VAV3: variants seen among roughly 807,000 people sequenced by gnomAD.
VAV3 encodes the protein vav guanine nucleotide exchange factor 3, also known as guanine nucleotide exchange factor VAV3.
VAV3 carries 94 observed loss-of-function variants against 131.2 expected under a neutral mutation model. That is an observed-to-expected ratio of 0.72 (90% CI 0.61 to 0.85). VAV3 has a LOEUF of 0.85. Among genes scored for constraint, VAV3 ranks in the 40% least tolerant of loss-of-function variants. The pLI, the probability that VAV3 is intolerant of heterozygous loss-of-function variation, is 0.00. For missense variants in VAV3, 939 were observed against 1,002.7 expected, an observed-to-expected ratio of 0.94 and a Z score of 0.86; for synonymous variants, 349 against 342.0, an observed-to-expected ratio of 1.02 and a Z score of -0.22.
At chr1:107,737,634 G>A (rs1186812295) in intron 15 of VAV3, among the ~76,000 whole-genome samples, 1 of 152,186 alleles carries the variant, frequency 6.6e-6, no homozygotes, top group African/African-American at 2.4e-5. Flanking sequence ...TCAGAGAAAT[G>A]CAAATCAAAA....
At chr1:107,718,527 A>G (rs1327685338) in intron 15 of VAV3, among the ~76,000 whole-genome samples, 2 of 152,220 alleles carry the variant, frequency 1.3e-5, no homozygotes, top group African/African-American at 4.8e-5. Flanking sequence ...TTCAAGGAGA[A>G]CTACAAACCA....
intron 15 of VAV3, among the ~76,000 whole-genome samples, chr1:107,745,890 G>C (rs1428904867): frequency 6.6e-6 from 1 of 152,042 alleles, no homozygotes; most frequent in Admixed American, 6.6e-5. Flanking sequence ...TAAAGCAATA[G>C]TCCAGAGCAC....
chr1:107,773,529 T>C (rs1665168095), intron 4 of VAV3, among the ~76,000 whole-genome samples: 1 of 152,206 alleles, frequency 6.6e-6, no homozygotes, highest in African/African-American at 2.4e-5. Flanking sequence ...TTCCTTTATC[T>C]GTTTTATATT....
At chr1:107,913,107 A>C (rs1672447610) in intron 1 of VAV3, among the ~76,000 whole-genome samples, 1 of 152,214 alleles carries the variant, frequency 6.6e-6, no homozygotes, top group Non-Finnish European at 1.5e-5. Context: ...CACAAATATA[A>C]GACTGTCTTT....
At chr1:107,805,140 C>T (rs74225262) in intron 2 of VAV3, among the ~76,000 whole-genome samples, 22,969 of 152,006 alleles carry the variant, frequency 0.15, 2,015 homozygotes, top group East Asian at 0.29. Flanking sequence ...CTTGGTAAAG[C>T]CTTATTGGGG....
intron 19 of VAV3, among the ~76,000 whole-genome samples, chr1:107,673,379 C>G (rs1477814159): frequency 6.6e-6 from 1 of 152,132 alleles, no homozygotes; most frequent in African/African-American, 2.4e-5. Flanking sequence ...CTGCTCCAAC[C>G]CTAACCATCC....
intron 1 of VAV3, among the ~76,000 whole-genome samples, chr1:107,890,818 A>G (rs1671275598): frequency 6.6e-6 from 1 of 152,228 alleles, no homozygotes; most frequent in Non-Finnish European, 1.5e-5. Flanking sequence ...AATGGAAGAC[A>G]CTTTCAGATC....
intron 1 of VAV3, among the ~76,000 whole-genome samples, chr1:107,880,239 C>G (rs573672369): frequency 1.3e-5 from 2 of 152,278 alleles, no homozygotes; most frequent in South Asian, 4.1e-4. Flanking sequence ...GAGTGGGAGT[C>G]ACCTACATAA....
chr1:107,778,924 A>T (rs986772658), intron 3 of VAV3, among the ~76,000 whole-genome samples: 7 of 152,210 alleles, frequency 4.6e-5, no homozygotes, highest in Non-Finnish European at 1.0e-4. Flanking sequence ...TATTGCAAGG[A>T]GATGACATAC....
chr1:107,692,793 T>C (rs895747280), intron 17 of VAV3, among the ~76,000 whole-genome samples: 3 of 152,146 alleles, frequency 2.0e-5, no homozygotes, highest in African/African-American at 7.2e-5. Flanking sequence ...AATGGGGATC[T>C]GCTTCAGTTA....
intron 2 of VAV3, among the ~76,000 whole-genome samples, chr1:107,854,212 G>C (rs923320286): frequency 6.6e-6 from 1 of 152,110 alleles, no homozygotes; most frequent in Non-Finnish European, 1.5e-5. Flanking sequence ...CTGGAGGATG[G>C]GACATGAGAA....
intron 21 of VAV3, among the ~76,000 whole-genome samples, chr1:107,614,226 C>A (rs1652969096): frequency 1.3e-5 from 2 of 151,894 alleles, no homozygotes; most frequent in African/African-American, 2.4e-5. Context: ...TGAAGTTGAC[C>A]CATTTATGAA....
At chr1:107,588,964 A>G (rs1182600137) in intron 25 of VAV3, among the ~76,000 whole-genome samples, 1 of 152,156 alleles carries the variant, frequency 6.6e-6, no homozygotes, top group Non-Finnish European at 1.5e-5. Context: ...AAGATAAGGC[A>G]TTTCACCATG....
At chr1:107,952,485 T>TATATATATATATAC (rs1317970944) in intron 1 of VAV3, among the ~76,000 whole-genome samples, 2 of 94,424 alleles carry the variant, frequency 2.1e-5, no homozygotes, top group East Asian at 3.4e-4. Context: ...TATATATATA[T>TATATATATATATAC]ACACACATAA....
chr1:107,939,142 A>C (rs1008292022), intron 1 of VAV3, among the ~76,000 whole-genome samples: 1 of 152,190 alleles, frequency 6.6e-6, no homozygotes, highest in Admixed American at 6.5e-5. Flanking sequence ...AACTGTGTTA[A>C]ATTTGTCTAG....
At chr1:107,960,684 T>C (rs1029953227) in intron 1 of VAV3, among the ~76,000 whole-genome samples, 3 of 152,114 alleles carry the variant, frequency 2.0e-5, no homozygotes, top group Non-Finnish European at 4.4e-5. Context: ...GTTCCTCCAG[T>C]ATGCCTGCCA....
At chr1:107,832,545 G>C (rs1668300832) in intron 2 of VAV3, among the ~76,000 whole-genome samples, 1 of 152,046 alleles carries the variant, frequency 6.6e-6, no homozygotes, top group Non-Finnish European at 1.5e-5. Context: ...ATTTCTATCT[G>C]AGTCTTTTAT....
intron 15 of VAV3, among the ~76,000 whole-genome samples, chr1:107,734,505 T>A (rs1557804471): frequency 6.6e-6 from 1 of 152,080 alleles, no homozygotes; most frequent in Non-Finnish European, 1.5e-5. Context: ...AATAAAGGGA[T>A]GGAGGAAGAT....
intron 1 of VAV3, among the ~76,000 whole-genome samples, chr1:107,929,236 C>T (rs964884938): frequency 2.9e-5 from 4 of 138,354 alleles, no homozygotes; most frequent in Non-Finnish European, 6.1e-5. Flanking sequence ...TGCAGTGAGC[C>T]GAGATCACAC....
Sources: allele counts gnomAD v4.1 joint callset (sites outside exome capture counted in the v4.1 genomes callset), GRCh38; gene constraint gnomAD v4.1.1; transcripts MANE v1.5; gene names NCBI Gene and HGNC (gene_info 2026-07-23, HGNC 2026-07-21).